Variants in WIPF1 observed in about 807,000 individuals in gnomAD.
The protein encoded by WIPF1 is WAS/WASL interacting protein family member 1.
WIPF1 carries 13 observed loss-of-function variants against 35.4 expected under a neutral mutation model. The observed-to-expected ratio is 0.37, with a 90% CI of 0.24 to 0.58. The LOEUF (loss-of-function observed/expected upper bound fraction) is 0.58, where lower values mean the gene tolerates loss of function less well. Ranked by LOEUF, WIPF1 falls within the 20% of genes least tolerant of loss-of-function variation. The probability of loss-of-function intolerance (pLI) is 0.74; values close to 1 mark genes in which losing one functional copy is unlikely to be tolerated. For missense variants in WIPF1, 591 were observed against 667.0 expected (o/e 0.89, Z 1.25); for synonymous variants, 267 against 266.3 (o/e 1.00, Z -0.02).
chr2:174,585,714 C>T (rs912574071), intron 1 of WIPF1, 103 bp from the exon 2 acceptor site: 19 of 798,294 alleles, frequency 2.4e-5, no homozygotes, highest in Non-Finnish European at 3.3e-5. Flanking sequence ...CCTAGCTCAA[C>T]TCTTAGAAGA....
chr2:174,681,282 T>G (rs1688240005), intron 1 of WIPF1, among the ~76,000 whole-genome samples: 1 of 152,178 alleles, frequency 6.6e-6, no homozygotes, highest in African/African-American at 2.4e-5. Context: ...TGGCTGGGAT[T>G]TGCAGACTAT....
intron 1 of WIPF1, among the ~76,000 whole-genome samples, chr2:174,669,620 G>A (rs763559385): frequency 4.6e-5 from 7 of 152,224 alleles, no homozygotes; most frequent in East Asian, 3.9e-4. Context: ...CGTGGCTCAC[G>A]CCTGTAGTCC....
intron 1 of WIPF1, among the ~76,000 whole-genome samples, chr2:174,662,143 TA>T (rs1687772665): frequency 6.6e-6 from 1 of 152,220 alleles, no homozygotes; most frequent in Non-Finnish European, 1.5e-5. Context: ...AGTATTTGCA[TA>T]AAACCTATGC....
intron 1 of WIPF1, among the ~76,000 whole-genome samples, chr2:174,593,431 C>T (rs1167725836): frequency 6.6e-6 from 1 of 152,204 alleles, no homozygotes; most frequent in African/African-American, 2.4e-5. Flanking sequence ...CACTCCAAGT[C>T]ACCCTGCAAA....
chr2:174,603,336 T>C (rs1265121180), intron 1 of WIPF1, among the ~76,000 whole-genome samples: 2 of 152,170 alleles, frequency 1.3e-5, no homozygotes, highest in Non-Finnish European at 2.9e-5. Context: ...ATGCAAAGAC[T>C]CTTAAGTGAT....
chr2:174,571,775 A>G lies in WIPF1; in HGVS notation c.1030T>C (p.Ser344Pro), dbSNP rs775856978. The G allele has an allele frequency of 5.0e-6, 8 of 1,614,072 alleles. No individual in the cohort carries two copies. Among genetic ancestry groups the G allele is most frequent in the Non-Finnish European group, 5.1e-6 (6 of 1,180,020 alleles). The part of the protein sequence containing the change: ...LPQRNLSLSS[S>P]TPPLPSPGRS... ...CCTGGCGAAGGTAACGGGGGCGTGG[A>G]CGAACTGAGGGACAGATTCCGCTGT... The change falls in exon 5 of 8, where the codon TCC becomes CCC. Residue 344 changes from serine to proline, a missense_variant. This residue lies in a region of WIPF1 where 471 missense variants were observed against 501.1 expected (regional missense o/e 0.94). Transcript: ENST00000679041. This position sits in a 1 kb window ranked among gnomAD's most constrained non-coding sequence, Gnocchi z 4.6.
chr2:174,574,056 C>G (rs1309688869), intron 4 of WIPF1, among the ~76,000 whole-genome samples: 1 of 151,532 alleles, frequency 6.6e-6, no homozygotes, highest in Non-Finnish European at 1.5e-5. Flanking sequence ...TGCCCACTAA[C>G]TTTTTGTTTT....
intron 1 of WIPF1, among the ~76,000 whole-genome samples, chr2:174,589,679 A>C (rs573705639): frequency 3.9e-4 from 60 of 152,218 alleles, no homozygotes; most frequent in Non-Finnish European, 6.3e-4. Flanking sequence ...GAAATGTAGC[A>C]TTTCCTTTGA....
chr2:174,568,965 A>G (rs1684750831), intron 5 of WIPF1: 1 of 152,238 alleles, frequency 6.6e-6, no homozygotes, highest in Admixed American at 6.5e-5. Context: ...AAAGAAAACC[A>G]TCTTGCTTTT....
chr2:174,634,989 GAGGAAGGGCCCTCGAC>G (rs1687142771), intron 1 of WIPF1, among the ~76,000 whole-genome samples: 1 of 152,146 alleles, frequency 6.6e-6, no homozygotes, highest in Non-Finnish European at 1.5e-5. Flanking sequence ...CAGGGCAGCT[GAGGAAGGGCCCTCGAC>G]AGTGCTGCAC....
intron 1 of WIPF1, among the ~76,000 whole-genome samples, chr2:174,589,295 C>T (rs1332134794): frequency 1.3e-5 from 2 of 152,228 alleles, no homozygotes; most frequent in African/African-American, 2.4e-5. Context: ...ACAAACAAGC[C>T]GAGTGCTTGC....
At chr2:174,611,820 A>C (rs771698525) in intron 1 of WIPF1, among the ~76,000 whole-genome samples, 3 of 152,202 alleles carry the variant, frequency 2.0e-5, no homozygotes, top group Non-Finnish European at 1.5e-5. Context: ...AAGACACCAC[A>C]TAGTACAGTC....
At chr2:174,669,607 C>A (rs936694500) in intron 1 of WIPF1, among the ~76,000 whole-genome samples, 1 of 152,216 alleles carries the variant, frequency 6.6e-6, no homozygotes, top group African/African-American at 2.4e-5. Flanking sequence ...CAGAGCTGGG[C>A]GCCGTGGCTC....
At chr2:174,574,301 A>T (rs1221359766) in intron 4 of WIPF1, among the ~76,000 whole-genome samples, 1 of 152,318 alleles carries the variant, frequency 6.6e-6, no homozygotes, top group African/African-American at 2.4e-5. Flanking sequence ...GGTGAGTTTT[A>T]AATAAATTTA....
chr2:174,651,613 G>C (rs996772268), intron 1 of WIPF1, among the ~76,000 whole-genome samples: 7 of 152,116 alleles, frequency 4.6e-5, no homozygotes, highest in African/African-American at 1.7e-4. Flanking sequence ...ACACTTTGAT[G>C]CAACCAGGTG....
intron 1 of WIPF1, among the ~76,000 whole-genome samples, chr2:174,632,651 G>A (rs1187820274): frequency 7.3e-6 from 1 of 137,478 alleles, no homozygotes; most frequent in African/African-American, 2.8e-5. Context: ...AGGGGTTGCA[G>A]TGAGCCGAGA....
At chr2:174,608,735 G>A (rs2105895196) in intron 1 of WIPF1, among the ~76,000 whole-genome samples, 1 of 152,312 alleles carries the variant, frequency 6.6e-6, no homozygotes, top group Non-Finnish European at 1.5e-5. Flanking sequence ...GAAGATAGCT[G>A]TGTGTTCCCT....
rs939909941 is a variant in WIPF1 at position 174,590,263 on chromosome 2, A to C, written c.-38-4652T>G. Among the ~76,000 whole-genome samples the C allele has an allele frequency of 1.3e-5, 2 of 152,144 alleles. No homozygotes were observed. The highest frequency in any genetic ancestry group is 2.9e-5 in the Non-Finnish European group (2 of 68,036). ...CCATCTGTTAAATGGGAAGTTGCTG[A>C]GCAGATTAAATGAAATGGTGTGTGC... On this transcript the variant is annotated intron_variant, in intron 1 of 7. Coordinates refer to ENST00000679041, the MANE Select transcript of WIPF1 (RefSeq NM_001375834.1). This position sits in a 1 kb window ranked among gnomAD's most constrained non-coding sequence, Gnocchi z 4.6.
At chr2:174,674,903 TAC>T (rs35062209) in intron 1 of WIPF1, among the ~76,000 whole-genome samples, 68,276 of 133,610 alleles carry the variant, frequency 0.51, 17,237 homozygotes, top group Middle Eastern at 0.59. Context: ...CAGGTTCAAA[TAC>T]ACACACACAC....
Sources: gnomAD v4.1 joint callset for allele counts (sites outside exome capture counted in the v4.1 genomes callset) on GRCh38, gnomAD v4.1.1 for gene constraint, gnomAD v4.1.1 regional missense constraint, Gnocchi (gnomAD v3.1) non-coding constraint, MANE v1.5 for transcripts, NCBI Gene and HGNC (gene_info 2026-07-23, HGNC 2026-07-21) for gene names.